Variants in DBN1 observed in about 807,000 individuals in gnomAD.
The protein encoded by DBN1 is drebrin.
DBN1 carries 21 observed loss-of-function variants against 83.5 expected under a neutral mutation model. The observed-to-expected ratio is 0.25, with a 90% CI of 0.18 to 0.36. The LOEUF (loss-of-function observed/expected upper bound fraction) is 0.36, where lower values mean the gene tolerates loss of function less well. DBN1 is among the 10% of genes least tolerant of loss of function. The pLI is 1.00. For synonymous variants in DBN1, 381 were observed against 384.9 expected (o/e 0.99, Z 0.12); for missense variants, 874 against 935.7 (o/e 0.93, Z 0.86).
chr5:177,459,231 A>G lies in DBN1; in HGVS notation c.1131T>C (p.Thr377=). 6.2e-7 allele frequency: 1 copy of G among 1,610,116 alleles called. No individual in the cohort carries two copies. ...HLDSHRRMAP[T]PIPTRSPSDS... Reference sequence around the variant, plus strand: ...CAGACGGGCTCCGCGTGGGGATGGGAGTGGGCGCCATCCTCCGGTGGCTGT... The same window carrying G: ...CAGACGGGCTCCGCGTGGGGATGGGGGTGGGCGCCATCCTCCGGTGGCTGT... The change falls in exon 12 of 15, where the codon ACT becomes ACC. Residue 377 remains threonine (T), a synonymous_variant. Transcript: ENST00000393565.
chr5:177,465,854 C>CAA (rs111807451), intron 8 of DBN1, among the ~76,000 whole-genome samples: 12 of 69,846 alleles, frequency 1.7e-4, no homozygotes, highest in Non-Finnish European at 1.6e-4. Context: ...GACTCCATCT[C>CAA]AAAAAAAAAA....
intron 8 of DBN1, among the ~76,000 whole-genome samples, chr5:177,463,751 A>G (rs959566427): frequency 2.0e-5 from 3 of 152,246 alleles, no homozygotes; most frequent in Non-Finnish European, 4.4e-5. Flanking sequence ...TGAAATGTTG[A>G]TAACTGGTGA....
chr5:177,473,492 G>A lies in DBN1; in HGVS notation c.30C>T (p.Arg10=), dbSNP rs1321056606. 4 of 1,435,738 alleles carry A rather than the reference G, an allele frequency of 2.8e-6. No individual in the cohort carries two copies. The highest frequency in any genetic ancestry group is 2.7e-5 in the South Asian group (2 of 73,808). 88.9% of individuals were successfully genotyped at this position (1,435,738 alleles called of 1,614,324 possible). Residue 10 remains arginine (R), a synonymous_variant, in exon 1 of 15, where the codon CGC becomes CGT. Coordinates refer to ENST00000393565, the MANE Select transcript of DBN1 (RefSeq NM_001363541.2). MAGVSFSGH[R]LELLAAYEEV... ...CCTCGTAAGCCGCCAGCAGCTCCAG[G>A]CGGTGGCCGCTGAAGCTGACGCCGG...
rs1756940243 is a variant in DBN1 at position 177,460,454 on chromosome 5, G to A, written c.933C>T (p.Pro311=). ...ASASAGSCDV[P]SPFNHRPGRP... is the part of the protein sequence containing the mutation. ...TACCTGGTCGATGGTTGAAGGGCGA[G>A]GGTACATCACAGCTGCCCGCAGAGG... Residue 311 remains proline, a synonymous_variant, in exon 10 of 15, where the codon CCC becomes CCT. Transcript: ENST00000393565. 2 of 1,614,046 alleles carry A rather than the reference G, an allele frequency of 1.2e-6. No homozygotes were observed. The highest frequency in any genetic ancestry group is 2.2e-5 in the South Asian group (2 of 91,082).
chr5:177,463,043 CT>C (rs1011357572), intron 8 of DBN1, among the ~76,000 whole-genome samples: 397 of 144,656 alleles, frequency 2.7e-3, no homozygotes, highest in Middle Eastern at 3.6e-3. Context: ...ACCACAAAGG[CT>C]TTTTTTTTTT....
chr5:177,459,227 T>C lies in DBN1; in HGVS notation c.1135A>G (p.Ile379Val), dbSNP rs1756820266. 6.2e-7 allele frequency: 1 copy of C among 1,610,726 alleles called. No individual in the cohort carries two copies. Among genetic ancestry groups the C allele is most frequent in the Non-Finnish European group, 8.5e-7 (1 of 1,179,064 alleles). The part of the protein sequence containing the change: ...DSHRRMAPTP[I>V]PTRSPSDSST... Reference sequence around the variant, plus strand: ...GAGTCAGACGGGCTCCGCGTGGGGATGGGAGTGGGCGCCATCCTCCGGTGG... The same window carrying C: ...GAGTCAGACGGGCTCCGCGTGGGGACGGGAGTGGGCGCCATCCTCCGGTGG... Residue 379 changes from isoleucine (I) to valine (V), a missense_variant, in exon 12 of 15, where the codon ATC becomes GTC. Physicochemically the swap from Ile to Val is conservative, Grantham distance 29 (BLOSUM62 3). Coordinates refer to ENST00000393565, the MANE Select transcript of DBN1 (RefSeq NM_001363541.2).
intron 11 of DBN1, 29 bp from the exon 12 acceptor site, chr5:177,459,297 GAGGGCGGGGGAGCCGGGTGAGAC>G: frequency 6.3e-7 from 1 of 1,593,590 alleles, no homozygotes; most frequent in Admixed American, 1.7e-5. Context: ...GTGGGTCAGT[GAGGGCGGGGGAGCCGGGTGAGAC>G]AGGATTGTCC....
chr5:177,472,987 G>A, intron 1 of DBN1: 1 of 296,696 alleles, frequency 3.4e-6, no homozygotes, highest in Non-Finnish European at 5.0e-6. Context: ...GCCGGGCTGA[G>A]CCGGGCAGGC....
intron 8 of DBN1, among the ~76,000 whole-genome samples, chr5:177,462,744 A>AT (rs1171515465): frequency 6.6e-6 from 1 of 152,112 alleles, no homozygotes; most frequent in Non-Finnish European, 1.5e-5. Flanking sequence ...ATTTTAGCTT[A>AT]TGTCAGGAGC....
intron 1 of DBN1, chr5:177,472,185 G>A (rs1301782188): frequency 2.5e-6 from 4 of 1,613,784 alleles, no homozygotes; most frequent in Non-Finnish European, 3.4e-6. Flanking sequence ...CAGTGCTGCA[G>A]TACCATGCCA....
At chr5:177,472,441 G>C in intron 1 of DBN1, 1 of 1,352,300 alleles carries the variant, frequency 7.4e-7, no homozygotes, top group Non-Finnish European at 9.4e-7. Flanking sequence ...TTCCAGGATG[G>C]GGCTGTGAGG....
chr5:177,465,374 G>A (rs1305146708), intron 8 of DBN1, among the ~76,000 whole-genome samples: 1 of 152,222 alleles, frequency 6.6e-6, no homozygotes, highest in African/African-American at 2.4e-5. Flanking sequence ...AGTCTCCAGA[G>A]TAGTCAACTT....
intron 1 of DBN1, 61 bp from the exon 2 acceptor site, chr5:177,468,960 G>T: frequency 9.0e-7 from 1 of 1,110,318 alleles, no homozygotes; most frequent in Non-Finnish European, 1.2e-6. Context: ...TTCTGGGTGG[G>T]GACGGCTCTG....
At chr5:177,459,774 G>A in intron 10 of DBN1, 34 bp from the exon 11 acceptor site, 1 of 1,438,356 alleles carries the variant, frequency 7.0e-7, no homozygotes, top group South Asian at 1.5e-5. Context: ...AAGAGACAGA[G>A]GACAAGAGAG....
At chr5:177,459,348 G>C in intron 11 of DBN1, 80 bp from the exon 12 acceptor site, 1 of 1,543,972 alleles carries the variant, frequency 6.5e-7, no homozygotes, top group Non-Finnish European at 8.6e-7. Flanking sequence ...GGCCTGGCCA[G>C]CACCTCCTCT....
At position 177,466,882 on chromosome 5, in the gene DBN1, C is replaced by T. The variant is rs1014858455; in HGVS notation, c.707+29G>A. On this transcript the variant is annotated intron_variant, in intron 7 of 14. Transcript: ENST00000393565. The surrounding 1 kb of genome is among the most constrained non-coding windows in gnomAD (Gnocchi z 4.8). ...ACCCGTCAGGGTGCGCCCGGGGGCC[C>T]CTGGAGCGCTCCGGGCGGGCAGGCT... The T allele has an allele frequency of 3.1e-6, 5 of 1,613,548 alleles. No individual in the cohort carries two copies. In the African/African-American group the frequency reaches 5.3e-5, roughly 17 times the overall value.
chr5:177,472,891 CGA>C (rs1239634847), intron 1 of DBN1: 3 of 975,604 alleles, frequency 3.1e-6, no homozygotes, highest in Non-Finnish European at 3.7e-6. Flanking sequence ...CGGCCCACTC[CGA>C]GAGGCCCCCC....
At chr5:177,470,278 G>C (rs575284425) in intron 1 of DBN1, among the ~76,000 whole-genome samples, 355 of 152,312 alleles carry the variant, frequency 2.3e-3, no homozygotes, top group Middle Eastern at 0.01. Flanking sequence ...GGGAACAAAG[G>C]GCCCTGGGAG....
intron 13 of DBN1, 50 bp downstream of exon 13, chr5:177,458,008 C>G: frequency 1.9e-6 from 3 of 1,608,920 alleles, no homozygotes; most frequent in Non-Finnish European, 2.6e-6. Flanking sequence ...CAGCACCCTG[C>G]TCAGCCCCCA....
Sources: gnomAD v4.1 joint callset for allele counts (sites outside exome capture counted in the v4.1 genomes callset) on GRCh38, gnomAD v4.1.1 for gene constraint, Gnocchi (gnomAD v3.1) non-coding constraint, MANE v1.5 for transcripts, NCBI Gene and HGNC (gene_info 2026-07-23, HGNC 2026-07-21) for gene names.